YAP1: variants seen among roughly 807,000 people sequenced by gnomAD.
YAP1 encodes Yes1 associated transcriptional regulator.
A neutral mutation model predicts 56.9 loss-of-function variants in YAP1; 5 were observed. That is an observed-to-expected ratio of 0.09 (90% CI 0.05 to 0.18). YAP1 has a LOEUF of 0.18. Among genes scored for constraint, YAP1 ranks in the 10% least tolerant of loss-of-function variants. The pLI is 1.00. For missense variants in YAP1, 539 were observed against 651.8 expected (o/e 0.83, Z 1.88); for synonymous variants, 265 against 248.1 (o/e 1.07, Z -0.64).
Position 102,184,333 on chromosome 11 carries a change from G to A in YAP1, c.689-1685G>A, listed in dbSNP as rs114144561. Among the ~76,000 whole-genome samples the A allele has an allele frequency of 4.1e-3, 624 of 152,264 alleles. 3 individuals carry two copies. The highest frequency in any genetic ancestry group is 0.014 in the African/African-American group (602 of 41,550). ...TCTGTCTTTCTGGGGAGGAAATAGAGCCCAAAATGACAGTGAAAGCTGGTG... is the reference window on the plus strand; with the variant it reads ...TCTGTCTTTCTGGGGAGGAAATAGAACCCAAAATGACAGTGAAAGCTGGTG... On this transcript the variant is annotated intron_variant, in intron 3 of 8. Transcript: ENST00000282441.
At chr11:102,219,516 C>T (rs1448077088) in intron 6 of YAP1, among the ~76,000 whole-genome samples, 4 of 152,094 alleles carry the variant, frequency 2.6e-5, no homozygotes, top group Non-Finnish European at 5.9e-5. Context: ...TGTCCTCCCA[C>T]AGACAGACTA....
At chr11:102,190,476 GA>G (rs1453873023) in intron 4 of YAP1, among the ~76,000 whole-genome samples, 1 of 150,434 alleles carries the variant, frequency 6.6e-6, no homozygotes, top group East Asian at 2.0e-4. Flanking sequence ...ACTAAAAATA[GA>G]AAAAAATAGC....
At chr11:102,162,987 A>ATTTTTTTTTTTTTTTTC (rs34380636) in intron 3 of YAP1, among the ~76,000 whole-genome samples, 1 of 130,150 alleles carries the variant, frequency 7.7e-6, no homozygotes, top group Admixed American at 7.7e-5. Flanking sequence ...TTTTTTTTTC[A>ATTTTTTTTTTTTTTTTC]TTTTTTTTTT....
chr11:102,179,016 T>G (rs897858623), intron 3 of YAP1, among the ~76,000 whole-genome samples: 2 of 152,084 alleles, frequency 1.3e-5, no homozygotes, highest in African/African-American at 4.8e-5. Flanking sequence ...ACCAAGGGGA[T>G]GGTGCGAAGC....
intron 2 of YAP1, among the ~76,000 whole-genome samples, chr11:102,122,895 CAAA>C (rs56934997): frequency 0.15 from 11,588 of 79,544 alleles, 1,181 homozygotes; most frequent in African/African-American, 0.35. Flanking sequence ...AGACTTCTCT[CAAA>C]AAAAAAAAAA....
intron 2 of YAP1, among the ~76,000 whole-genome samples, chr11:102,146,671 T>G (rs1945338599): frequency 6.6e-6 from 1 of 152,190 alleles, no homozygotes; most frequent in Non-Finnish European, 1.5e-5. Flanking sequence ...AACTCTAATA[T>G]GTCTATTTTT....
At chr11:102,210,428 A>G (rs1949340682) in intron 6 of YAP1, among the ~76,000 whole-genome samples, 1 of 152,200 alleles carries the variant, frequency 6.6e-6, no homozygotes. Context: ...CATTTTGGAT[A>G]CTGTTAAGTT....
intron 3 of YAP1, among the ~76,000 whole-genome samples, chr11:102,173,930 T>C (rs903608168): frequency 1.3e-5 from 2 of 152,216 alleles, no homozygotes; most frequent in Admixed American, 1.3e-4. Context: ...AAGCGGTCCT[T>C]GTTAGTCTTT....
At chr11:102,168,952 G>GT (rs1946749079) in intron 3 of YAP1, among the ~76,000 whole-genome samples, 1 of 152,174 alleles carries the variant, frequency 6.6e-6, no homozygotes, top group African/African-American at 2.4e-5. Flanking sequence ...TGAGGTGTTG[G>GT]TAATTCCTGC....
intron 2 of YAP1, among the ~76,000 whole-genome samples, chr11:102,124,347 CATG>C (rs1419675816): frequency 1.3e-5 from 2 of 152,170 alleles, no homozygotes; most frequent in Non-Finnish European, 2.9e-5. Flanking sequence ...TCTGAAATTT[CATG>C]ATGTCTGTTG....
intron 4 of YAP1, among the ~76,000 whole-genome samples, chr11:102,188,935 A>G (rs1444278628): frequency 6.6e-6 from 1 of 152,194 alleles, no homozygotes; most frequent in African/African-American, 2.4e-5. Context: ...TTTCTTTAAC[A>G]TTTAAAAGCT....
chr11:102,205,831 T>A, intron 4 of YAP1, 62 bp from the exon 5 acceptor site: 1 of 1,420,760 alleles, frequency 7.0e-7, no homozygotes, highest in Admixed American at 2.7e-5. Context: ...AATAATTAAA[T>A]CATCATTTTA....
intron 4 of YAP1, among the ~76,000 whole-genome samples, chr11:102,197,348 A>C (rs1334973244): frequency 6.6e-6 from 1 of 152,212 alleles, no homozygotes; most frequent in Non-Finnish European, 1.5e-5. Context: ...TATACCCAGT[A>C]AGATTACTAG....
chr11:102,218,489 C>T (rs1018371881), intron 6 of YAP1, among the ~76,000 whole-genome samples: 1 of 152,134 alleles, frequency 6.6e-6, no homozygotes, highest in Admixed American at 6.5e-5. Context: ...TTTTTCTTCT[C>T]GAATATTTCG....
chr11:102,183,543 G>T (rs776747650), intron 3 of YAP1, among the ~76,000 whole-genome samples: 4 of 152,158 alleles, frequency 2.6e-5, no homozygotes, highest in Non-Finnish European at 5.9e-5. Context: ...AGTATTGATG[G>T]CTGAGTTCTC....
chr11:102,223,399 G>A (rs1565286856), intron 6 of YAP1, among the ~76,000 whole-genome samples: 2 of 152,020 alleles, frequency 1.3e-5, no homozygotes, highest in Non-Finnish European at 2.9e-5. Context: ...ATAGGGTGGG[G>A]GGTGGTTAAT....
intron 3 of YAP1, among the ~76,000 whole-genome samples, chr11:102,169,046 A>C (rs759601615): frequency 1.6e-4 from 24 of 152,174 alleles, no homozygotes; most frequent in Admixed American, 2.6e-4. Flanking sequence ...GGTTAAGACC[A>C]AGGGCTCTGG....
At chr11:102,135,172 T>C (rs1944603102) in intron 2 of YAP1, among the ~76,000 whole-genome samples, 1 of 152,202 alleles carries the variant, frequency 6.6e-6, no homozygotes, top group Admixed American at 6.5e-5. Context: ...TAATTTTTAA[T>C]TTTTTGTAGA....
intron 4 of YAP1, among the ~76,000 whole-genome samples, chr11:102,198,116 C>T (rs1009631767): frequency 6.6e-6 from 1 of 152,224 alleles, no homozygotes; most frequent in Non-Finnish European, 1.5e-5. Flanking sequence ...GCCAAAAGTA[C>T]TCACAATAGT....
Sources: gnomAD v4.1 joint callset for allele counts (sites outside exome capture counted in the v4.1 genomes callset) on GRCh38, gnomAD v4.1.1 for gene constraint, MANE v1.5 for transcripts, NCBI Gene and HGNC (gene_info 2026-07-23, HGNC 2026-07-21) for gene names.